ROBO1: variants seen among roughly 807,000 people sequenced by gnomAD.
The protein encoded by ROBO1 is roundabout guidance receptor 1, also known as roundabout homolog 1.
ROBO1 carries 149 observed loss-of-function variants against 195.9 expected under a neutral mutation model. The ratio of observed to expected loss-of-function variants is 0.76; its 90% CI spans 0.67 to 0.87. The LOEUF (loss-of-function observed/expected upper bound fraction) is 0.87. ROBO1 is among the 40% of genes least tolerant of loss of function. The probability of loss-of-function intolerance (pLI) is 0.00; values close to 1 mark genes in which losing one functional copy is unlikely to be tolerated. For missense variants in ROBO1, 1,933 were observed against 2,068.3 expected (o/e 0.93, Z 1.27); for synonymous variants, 816 against 733.2 (o/e 1.11, Z -1.82).
At chr3:79,628,315 G>A (rs1053338937) in intron 1 of ROBO1, among the ~76,000 whole-genome samples, 10 of 152,150 alleles carry the variant, frequency 6.6e-5, no homozygotes, top group African/African-American at 2.4e-4. Context: ...AAAAAGGAAT[G>A]AGATTATGTT....
chr3:79,145,353 C>T (rs896028485), intron 2 of ROBO1, among the ~76,000 whole-genome samples: 2 of 140,676 alleles, frequency 1.4e-5, no homozygotes, highest in Non-Finnish European at 3.1e-5. Context: ...ATTTCTGATG[C>T]CAGAAATACA....
At chr3:79,349,764 G>A (rs1331177973) in intron 2 of ROBO1, among the ~76,000 whole-genome samples, 1 of 152,124 alleles carries the variant, frequency 6.6e-6, no homozygotes, top group Non-Finnish European at 1.5e-5. Context: ...ATATCCACAT[G>A]CAAAAACTGG....
intron 1 of ROBO1, among the ~76,000 whole-genome samples, chr3:79,626,254 G>T (rs929021304): frequency 6.6e-6 from 1 of 152,124 alleles, no homozygotes; most frequent in African/African-American, 2.4e-5. Flanking sequence ...AGACCATCCT[G>T]GTGAACATGG....
chr3:78,690,230 A>G (rs1371089277), intron 8 of ROBO1, among the ~76,000 whole-genome samples: 5 of 151,610 alleles, frequency 3.3e-5, no homozygotes, highest in African/African-American at 1.2e-4. Context: ...AAAATTGAAG[A>G]AAGTAATTAG....
chr3:79,703,073 G>A (rs1255759193), intron 1 of ROBO1, among the ~76,000 whole-genome samples: 1 of 151,832 alleles, frequency 6.6e-6, no homozygotes, highest in Non-Finnish European at 1.5e-5. Flanking sequence ...AGAGAAAACA[G>A]AAATAAATCA....
intron 5 of ROBO1, among the ~76,000 whole-genome samples, chr3:78,727,739 A>G (rs1425171403): frequency 6.6e-6 from 1 of 152,226 alleles, no homozygotes; most frequent in African/African-American, 2.4e-5. Flanking sequence ...ATTTTAATGT[A>G]GTTAGCTATC....
In ROBO1 at chr3:79,023,869, A is replaced by ATTTTT. The variant is rs569045261; in HGVS notation, c.173-84947_173-84943dup. On this transcript the variant is annotated intron_variant, in intron 3 of 30. Coordinates refer to ENST00000464233, the MANE Select transcript of ROBO1 (RefSeq NM_002941.4). ...CAGGTGCTGGCCACCACACCCGGCT[A>ATTTTT]TTTTTTTTTTTTTTGTATTTTTAGT... Among the ~76,000 whole-genome samples the ATTTTT allele has an allele frequency of 3.7e-5, 5 of 135,004 alleles. No individual in the cohort carries two copies. In the East Asian group the frequency reaches 1.1e-3, roughly 29 times the overall value. 88.6% of individuals were successfully genotyped at this position (135,004 alleles called of 152,430 possible).
chr3:79,722,980 A>G (rs931172434), intron 1 of ROBO1, among the ~76,000 whole-genome samples: 8 of 152,188 alleles, frequency 5.3e-5, no homozygotes, highest in African/African-American at 1.9e-4. Flanking sequence ...CAGTTAATAT[A>G]TTGAAAAAGA....
At chr3:79,113,299 T>C (rs1207142119) in intron 3 of ROBO1, among the ~76,000 whole-genome samples, 2 of 152,052 alleles carry the variant, frequency 1.3e-5, no homozygotes, top group Non-Finnish European at 2.9e-5. Flanking sequence ...CAGAAATCCA[T>C]CTTGCGACAG....
intron 2 of ROBO1, among the ~76,000 whole-genome samples, chr3:79,444,662 T>C (rs946903978): frequency 2.0e-5 from 3 of 152,046 alleles, no homozygotes; most frequent in African/African-American, 7.2e-5. Flanking sequence ...ACATTAAAAA[T>C]TCAAGAAGCT....
rs561335334 is a variant in ROBO1 at position 79,368,011 on chromosome 3, C to T, written c.88+221813G>A. ...GGCAGGAATGCAGTGGTATGATCTC[C>T]GCTCACTGCAACCTCCGCCTCCTGG... On this transcript the variant is annotated intron_variant, in intron 2 of 30. Coordinates refer to ENST00000464233, the MANE Select transcript of ROBO1 (RefSeq NM_002941.4). Among the ~76,000 whole-genome samples, 10 of 152,112 alleles carry T rather than the reference C, an allele frequency of 6.6e-5. No individual in the cohort carries two copies. The East Asian group carries it at 7.8e-4, about 12-fold the overall frequency.
At chr3:79,396,798 T>G (rs956701753) in intron 2 of ROBO1, among the ~76,000 whole-genome samples, 2 of 152,154 alleles carry the variant, frequency 1.3e-5, no homozygotes, top group Non-Finnish European at 2.9e-5. Context: ...CCATTTAGTT[T>G]TATTCCACTA....
At chr3:78,652,938 A>G (rs1279905140) in intron 18 of ROBO1, among the ~76,000 whole-genome samples, 1 of 152,162 alleles carries the variant, frequency 6.6e-6, no homozygotes, top group Non-Finnish European at 1.5e-5. Flanking sequence ...GCATTGAGTG[A>G]TATCAACCCT....
chr3:79,518,555 A>G (rs1941053624), intron 2 of ROBO1, among the ~76,000 whole-genome samples: 1 of 152,188 alleles, frequency 6.6e-6, no homozygotes, highest in South Asian at 2.1e-4. Context: ...AAGTTAGAAG[A>G]CCTAGGAGGA....
At chr3:79,363,087 A>T (rs1577023234) in intron 2 of ROBO1, among the ~76,000 whole-genome samples, 2 of 152,236 alleles carry the variant, frequency 1.3e-5, no homozygotes, top group African/African-American at 4.8e-5. Context: ...GCTATCAGAA[A>T]AAGAGAGAGC....
At chr3:78,997,990 A>ATTATT in intron 3 of ROBO1, among the ~76,000 whole-genome samples, 3 of 152,284 alleles carry the variant, frequency 2.0e-5, no homozygotes, top group Admixed American at 2.0e-4. Context: ...ACCAGACTTC[A>ATTATT]TTATTTTCTT....
At chr3:79,432,570 T>A (rs935414508) in intron 2 of ROBO1, among the ~76,000 whole-genome samples, 1 of 152,122 alleles carries the variant, frequency 6.6e-6, no homozygotes, top group Non-Finnish European at 1.5e-5. Context: ...ATGATAACAT[T>A]TTGAATGGCT....
At chr3:78,807,837 T>C (rs1196683556) in intron 4 of ROBO1, among the ~76,000 whole-genome samples, 1 of 152,166 alleles carries the variant, frequency 6.6e-6, no homozygotes, top group African/African-American at 2.4e-5. Context: ...GGGAAAAGCA[T>C]AGGGAACTGA....
chr3:78,940,793 G>A (rs553943697), intron 3 of ROBO1, among the ~76,000 whole-genome samples: 1 of 152,310 alleles, frequency 6.6e-6, no homozygotes, highest in African/African-American at 2.4e-5. Context: ...AGATCTGTGG[G>A]TCTGGTTTTG....
Sources: gnomAD v4.1 joint callset for allele counts (sites outside exome capture counted in the v4.1 genomes callset) on GRCh38, gnomAD v4.1.1 for gene constraint, MANE v1.5 for transcripts, NCBI Gene and HGNC (gene_info 2026-07-23, HGNC 2026-07-21) for gene names.